Variants in TMEM132B observed in about 807,000 individuals in gnomAD.
TMEM132B encodes transmembrane protein 132B.
Under a neutral mutation model 90.8 loss-of-function variants are expected in TMEM132B, and 18 were observed. That is an observed-to-expected ratio of 0.20 (90% CI 0.14 to 0.29). TMEM132B has a LOEUF of 0.29. Among genes scored for constraint, TMEM132B ranks in the 10% least tolerant of loss-of-function variants. The pLI is 1.00. For synonymous variants in TMEM132B, 504 were observed against 523.3 expected (o/e 0.96, Z 0.50); for missense variants, 1,096 against 1,326.8 (o/e 0.83, Z 2.70).
chr12:125,618,797 G>A (rs1340068727), intron 5 of TMEM132B, among the ~76,000 whole-genome samples: 1 of 152,096 alleles, frequency 6.6e-6, no homozygotes, highest in African/African-American at 2.4e-5. Context: ...TGTTAATAAT[G>A]TTATAGGTGA....
intron 4 of TMEM132B, among the ~76,000 whole-genome samples, chr12:125,543,596 A>G (rs967052249): frequency 1.3e-5 from 2 of 152,240 alleles, no homozygotes; most frequent in Middle Eastern, 3.2e-3. Flanking sequence ...GCATATGGGT[A>G]GCCAGTTCTC....
In TMEM132B at chr12:125,213,394, A is replaced by C. The variant is rs1405017660; in HGVS notation, c.67+26528A>C. Among the ~76,000 whole-genome samples, 1 of 152,188 alleles carries C rather than the reference A, an allele frequency of 6.6e-6. No homozygotes were observed. Among genetic ancestry groups the C allele is most frequent in the Non-Finnish European group, 1.5e-5 (1 of 68,032 alleles). On this transcript the variant is annotated intron_variant, in intron 1 of 8. Transcript: ENST00000682704. The surrounding 1 kb of genome is among the most constrained non-coding windows in gnomAD (Gnocchi z 4.2). ...AGCACTGCTGAGAACATTTGTGTAC[A>C]AGTATTTGTTTGAGCACCTGTTTTC...
At chr12:125,613,724 T>C (rs1046332672) in intron 5 of TMEM132B, among the ~76,000 whole-genome samples, 1 of 152,064 alleles carries the variant, frequency 6.6e-6, no homozygotes, top group African/African-American at 2.4e-5. Context: ...AGATATTACA[T>C]GTCTATATGT....
At chr12:125,589,445 G>C (rs566881881) in intron 5 of TMEM132B, among the ~76,000 whole-genome samples, 28 of 127,734 alleles carry the variant, frequency 2.2e-4, no homozygotes, top group African/African-American at 7.9e-4. Flanking sequence ...TTGCGCCACT[G>C]CACCCCAGCC....
intron 2 of TMEM132B, among the ~76,000 whole-genome samples, chr12:125,404,935 C>G (rs1230735570): frequency 6.6e-6 from 1 of 152,140 alleles, no homozygotes; most frequent in Non-Finnish European, 1.5e-5. Flanking sequence ...GACTGTCTCA[C>G]TCCCTTCTTT....
chr12:125,428,349 C>T (rs556539399), intron 3 of TMEM132B, among the ~76,000 whole-genome samples: 19 of 152,072 alleles, frequency 1.2e-4, no homozygotes, highest in Non-Finnish European at 2.5e-4. Flanking sequence ...ACCCGGGCCT[C>T]TCCATGAAAT....
intron 1 of TMEM132B, among the ~76,000 whole-genome samples, chr12:125,298,236 T>A (rs1875719284): frequency 6.6e-6 from 1 of 151,704 alleles, no homozygotes; most frequent in Non-Finnish European, 1.5e-5. Context: ...GGAGACAGAG[T>A]GAGACCCTGT....
chr12:125,396,538 G>A (rs1436818975), intron 2 of TMEM132B, among the ~76,000 whole-genome samples: 1 of 152,070 alleles, frequency 6.6e-6, no homozygotes, highest in Non-Finnish European at 1.5e-5. Flanking sequence ...TTTGAAATGG[G>A]GTCTTGCTCT....
At chr12:125,652,332 C>G (rs977119020) in intron 7 of TMEM132B, 109 bp from the exon 8 acceptor site, 1 of 997,790 alleles carries the variant, frequency 1.0e-6, no homozygotes, top group African/African-American at 1.7e-5. Context: ...CCCACAAATG[C>G]ATGCATTGAG....
At chr12:125,443,348 C>T (rs555560382) in intron 3 of TMEM132B, among the ~76,000 whole-genome samples, 4 of 152,280 alleles carry the variant, frequency 2.6e-5, no homozygotes, top group East Asian at 3.9e-4. Context: ...ATTTATGAAG[C>T]TTTCTTTGGT....
In TMEM132B at chr12:125,445,835, C is replaced by A. The variant is rs1447105001; in HGVS notation, c.1106+30158C>A. On this transcript the variant is annotated intron_variant, in intron 3 of 8. Transcript: ENST00000682704. The surrounding 1 kb of genome is among the most constrained non-coding windows in gnomAD (Gnocchi z 4.3). ...TCTCACACCTCAGGCCATGTGCTAC[C>A]CTCCTGGGGAGTGGCTCTCAACACT... is the stretch of plus-strand genomic sequence containing the variant. Among the ~76,000 whole-genome samples, 1 of 152,212 alleles carries A rather than the reference C, an allele frequency of 6.6e-6. No homozygotes were observed. The highest frequency in any genetic ancestry group is 1.9e-4 in the East Asian group (1 of 5,192).
intron 1 of TMEM132B, among the ~76,000 whole-genome samples, chr12:125,267,119 C>A (rs1325402578): frequency 6.6e-6 from 1 of 152,194 alleles, no homozygotes; most frequent in African/African-American, 2.4e-5. Context: ...CGTGCAGTGG[C>A]TCAGAAAAGA....
rs1393538084 is a variant in TMEM132B at position 125,227,978 on chromosome 12, C to T, written c.67+41112C>T. On this transcript the variant is annotated intron_variant, in intron 1 of 8. Transcript: ENST00000682704. ...GCACTGTCCTGGCTTGATAACGTAC[C>T]CTTTGTTGACTTCTTTTTTCTCTCT... is the stretch of plus-strand genomic sequence containing the variant. Among the ~76,000 whole-genome samples, 6 of 152,288 alleles carry T rather than the reference C, an allele frequency of 3.9e-5. No homozygotes were observed. The South Asian group carries it at 1.2e-3, about 32-fold the overall frequency.
chr12:125,197,797 C>A (rs980018618), intron 1 of TMEM132B, among the ~76,000 whole-genome samples: 1 of 152,028 alleles, frequency 6.6e-6, no homozygotes, highest in Non-Finnish European at 1.5e-5. Flanking sequence ...TCCAGCTCCT[C>A]GGTATGAGAA....
chr12:125,384,608 T>C (rs1878774380), intron 2 of TMEM132B, among the ~76,000 whole-genome samples: 5 of 152,222 alleles, frequency 3.3e-5, no homozygotes, highest in Admixed American at 3.3e-4. Context: ...CATCATTCTA[T>C]GCAGTAGATC....
At chr12:125,324,979 GC>G (rs1876520704) in intron 1 of TMEM132B, among the ~76,000 whole-genome samples, 1 of 152,148 alleles carries the variant, frequency 6.6e-6, no homozygotes, top group Non-Finnish European at 1.5e-5. Context: ...CCTGCTCTGG[GC>G]CCCTTGGTGT....
intron 3 of TMEM132B, among the ~76,000 whole-genome samples, chr12:125,510,397 T>A (rs777293463): frequency 3.9e-5 from 6 of 152,202 alleles, no homozygotes; most frequent in Non-Finnish European, 8.8e-5. Flanking sequence ...ATCCTTTTCC[T>A]GTGTTTGGGA....
chr12:125,504,232 T>C (rs1270476180), intron 3 of TMEM132B, among the ~76,000 whole-genome samples: 1 of 149,822 alleles, frequency 6.7e-6, no homozygotes, highest in Admixed American at 7.1e-5. Flanking sequence ...TCTAATCTGA[T>C]TGTTGACCCA....
At chr12:125,615,949 T>C (rs191231904) in intron 5 of TMEM132B, among the ~76,000 whole-genome samples, 1 of 152,332 alleles carries the variant, frequency 6.6e-6, no homozygotes. Context: ...GTTGACACTT[T>C]TTTTTATTAT....
Sources: allele counts gnomAD v4.1 joint callset (sites outside exome capture counted in the v4.1 genomes callset), GRCh38; gene constraint gnomAD v4.1.1; non-coding constraint Gnocchi (gnomAD v3.1); transcripts MANE v1.5; gene names NCBI Gene and HGNC (gene_info 2026-07-23, HGNC 2026-07-21).